CIT: variants seen among roughly 807,000 people sequenced by gnomAD.
CIT encodes the protein citron rho-interacting serine/threonine kinase, also known as citron Rho-interacting kinase.
A neutral mutation model predicts 272.7 loss-of-function variants in CIT; 79 were observed. That is an observed-to-expected ratio of 0.29 (90% CI 0.24 to 0.35). The LOEUF is 0.35. Ranked by LOEUF, CIT falls within the 10% of genes least tolerant of loss-of-function variation. The pLI, the probability that CIT is intolerant of heterozygous loss-of-function variation, is 1.00. For missense variants in CIT, 1,909 were observed against 2,618.3 expected, an observed-to-expected ratio of 0.73 and a Z score of 5.91; for synonymous variants, 948 against 995.6, an observed-to-expected ratio of 0.95 and a Z score of 0.90.
intron 13 of CIT, among the ~76,000 whole-genome samples, chr12:119,777,136 T>A (rs1963830661): frequency 6.6e-6 from 1 of 152,064 alleles, no homozygotes; most frequent in Admixed American, 6.6e-5. Context: ...GGGCCTATAG[T>A]CCCAGCTACT....
At position 119,751,621 on chromosome 12, in the gene CIT, A is replaced by AGAT. The variant is rs1490130623; in HGVS notation, c.2904+428_2904+429insATC. Among the ~76,000 whole-genome samples, 290 of 151,406 alleles carry AGAT rather than the reference A, an allele frequency of 1.9e-3. 2 individuals are homozygous for AGAT. Among genetic ancestry groups the AGAT allele is most frequent in the African/African-American group, 6.6e-3 (273 of 41,254 alleles). ...AATCTACAGCTTGAAAAAAAAAAAA[A>AGAT]GTAACATGAGTAAGGTTAACTAAAA... is the stretch of plus-strand genomic sequence containing the variant. On this transcript the variant is annotated intron_variant, in intron 23 of 47. Transcript: ENST00000392521.
At chr12:119,781,267 TATA>T (rs1190518714) in intron 13 of CIT, among the ~76,000 whole-genome samples, 2 of 152,258 alleles carry the variant, frequency 1.3e-5, no homozygotes, top group Non-Finnish European at 2.9e-5. Context: ...CACGTTTATT[TATA>T]ATGTTTTTAT....
intron 10 of CIT, among the ~76,000 whole-genome samples, chr12:119,788,038 CT>C (rs1469828558): frequency 6.6e-6 from 1 of 152,168 alleles, no homozygotes; most frequent in Non-Finnish European, 1.5e-5. Flanking sequence ...AAAGCAATTG[CT>C]TAAAATGGTA....
chr12:119,800,793 G>T (rs1041822432), intron 10 of CIT, among the ~76,000 whole-genome samples: 1 of 152,202 alleles, frequency 6.6e-6, no homozygotes, highest in African/African-American at 2.4e-5. Flanking sequence ...AGTAAATTTT[G>T]TCAATAAAAC....
intron 9 of CIT, among the ~76,000 whole-genome samples, chr12:119,811,734 A>C (rs1966849258): frequency 6.6e-6 from 1 of 152,186 alleles, no homozygotes; most frequent in Admixed American, 6.5e-5. Flanking sequence ...TCTGGATTGC[A>C]CTTTAACCAG....
chr12:119,826,363 G>C (rs183286201), intron 7 of CIT, among the ~76,000 whole-genome samples: 27 of 152,158 alleles, frequency 1.8e-4, no homozygotes, highest in Admixed American at 1.4e-3. Flanking sequence ...AATACAGGAG[G>C]GCATTTTATA....
chr12:119,827,173 A>G (rs1968239577), intron 7 of CIT, among the ~76,000 whole-genome samples: 1 of 152,182 alleles, frequency 6.6e-6, no homozygotes, highest in Admixed American at 6.5e-5. Flanking sequence ...CAAGAAAGCC[A>G]GATGGTCACA....
chr12:119,782,884 C>T, intron 12 of CIT: 1 of 415,264 alleles, frequency 2.4e-6, no homozygotes, highest in Non-Finnish European at 4.4e-6. Context: ...CTGTCTCCTG[C>T]CACCATCTAC....
intron 22 of CIT, among the ~76,000 whole-genome samples, chr12:119,755,036 T>C (rs996306845): frequency 1.3e-5 from 2 of 152,298 alleles, no homozygotes; most frequent in Admixed American, 6.5e-5. Context: ...AGAGTGAAAG[T>C]ATAGCCTGGA....
In CIT at chr12:119,870,921, C is replaced by A. The variant is rs149343862; in HGVS notation, c.97-1720G>T. 2.7e-3 allele frequency among the ~76,000 whole-genome samples: 411 copies of A among 152,064 alleles called. 2 individuals are homozygous for A. Among genetic ancestry groups the A allele is most frequent in the African/African-American group, 9.4e-3 (391 of 41,494 alleles). ...GGATCGCGAGGTCAGAAGTTCGAGA[C>A]CAGCCTGACCAACGTGGTGAAACCC... is the stretch of plus-strand genomic sequence containing the variant. On this transcript the variant is annotated intron_variant, in intron 2 of 47. Transcript: ENST00000392521.
chr12:119,859,463 G>A (rs1950268444), intron 3 of CIT, among the ~76,000 whole-genome samples: 1 of 152,146 alleles, frequency 6.6e-6, no homozygotes, highest in Non-Finnish European at 1.5e-5. Flanking sequence ...CACAGTCAGT[G>A]AGTGGCATTT....
At position 119,825,342 on chromosome 12, in the gene CIT, G is replaced by A; in HGVS notation, c.780C>T (p.Thr260=). 1.2e-6 allele frequency: 2 copies of A among 1,613,858 alleles called. No individual in the cohort carries two copies. Among genetic ancestry groups the A allele is most frequent in the Non-Finnish European group, 1.7e-6 (2 of 1,179,946 alleles). ...GCACTTCAGGAGCCATGTAATCTGG[G>A]GTCCCAATCGGGAGTTTGGCATTCA... ...KMVNAKLPIG[T]PDYMAPEVLT... is the part of the protein sequence containing the mutation. Residue 260 remains threonine, a synonymous_variant, in exon 8 of 48, where the codon ACC becomes ACT. Coordinates refer to ENST00000392521, the MANE Select transcript of CIT (RefSeq NM_001206999.2).
chr12:119,690,531 C>T lies in CIT; in HGVS notation c.5883-77G>A. 4.4e-6 allele frequency: 6 copies of T among 1,373,000 alleles called. No individual in the cohort carries two copies. The highest frequency in any genetic ancestry group is 4.8e-6 in the Non-Finnish European group (5 of 1,034,334). The allele number at this position is 1,373,000 out of a possible 1,614,324, so 85.1% of individuals were successfully genotyped here. On this transcript the variant is annotated intron_variant, in intron 46 of 47. Coordinates refer to ENST00000392521, the MANE Select transcript of CIT (RefSeq NM_001206999.2). The surrounding 1 kb of genome is among the most constrained non-coding windows in gnomAD (Gnocchi z 6.0). Reference sequence around the variant, plus strand: ...GCATTTTCCTTCTTACCTGAGCAACCCCCTCCTTGACCCAGCCTCACCACT... The same window carrying T: ...GCATTTTCCTTCTTACCTGAGCAACTCCCTCCTTGACCCAGCCTCACCACT...
Position 119,721,231 on chromosome 12 carries a change from T to G in CIT, c.3732+78A>C, listed in dbSNP as rs902706765. The stretch of plus-strand genomic sequence containing the variant: ...ATCTGCCCTCCTCAGCCTCCCGAAG[T>G]GCTGGGATTACAGGCATGAGCCACT... On this transcript the variant is annotated intron_variant, in intron 29 of 47. Coordinates refer to ENST00000392521, the MANE Select transcript of CIT (RefSeq NM_001206999.2). The G allele has an allele frequency of 5.2e-6, 7 of 1,355,744 alleles. No homozygotes were observed. In the African/African-American group the frequency reaches 1.0e-4, roughly 20 times the overall value. The allele number at this position is 1,355,744 out of a possible 1,614,324, so 84.0% of individuals were successfully genotyped here. A position where few individuals can be genotyped will look rare whatever the true frequency, so the allele number is the denominator to read the frequency against.
At chr12:119,779,462 A>G (rs113711153) in intron 13 of CIT, among the ~76,000 whole-genome samples, 1 of 152,150 alleles carries the variant, frequency 6.6e-6, no homozygotes, top group African/African-American at 2.4e-5. Context: ...CCTAAGCCCA[A>G]CTTTTTTCTT....
At chr12:119,874,160 C>T (rs934486800) in intron 2 of CIT, among the ~76,000 whole-genome samples, 11 of 152,192 alleles carry the variant, frequency 7.2e-5, no homozygotes, top group Middle Eastern at 3.4e-3. Context: ...CTCCGCCTCC[C>T]GGGTTCAAAT....
intron 4 of CIT, 87 bp downstream of exon 4, chr12:119,857,436 C>G: frequency 1.7e-5 from 23 of 1,375,572 alleles, no homozygotes; most frequent in Non-Finnish European, 2.3e-5. Flanking sequence ...CGTGCTTGAT[C>G]CTAGACGCCA....
intron 44 of CIT, chr12:119,699,797 G>C (rs1253091435): frequency 2.2e-6 from 1 of 456,100 alleles, no homozygotes. Flanking sequence ...GCTGTTGTTT[G>C]AAGTCACTAA....
At chr12:119,758,258 A>T (rs1263353543) in intron 21 of CIT, among the ~76,000 whole-genome samples, 1 of 152,242 alleles carries the variant, frequency 6.6e-6, no homozygotes, top group East Asian at 1.9e-4. Context: ...CCAACTGGGC[A>T]CACACAATTT....
Sources: allele counts gnomAD v4.1 joint callset (sites outside exome capture counted in the v4.1 genomes callset), GRCh38; gene constraint gnomAD v4.1.1; non-coding constraint Gnocchi (gnomAD v3.1); transcripts MANE v1.5; gene names NCBI Gene and HGNC (gene_info 2026-07-23, HGNC 2026-07-21).